The following SNRPE variants were observed in gnomAD, a reference collection of about 807,000 sequenced individuals.
SNRPE encodes the protein small nuclear ribonucleoprotein polypeptide E, also known as small nuclear ribonucleoprotein E.
For synonymous variants in SNRPE, 35 were observed against 36.7 expected (o/e 0.95, Z 0.17); for missense variants, 53 against 111.6 (o/e 0.48, Z 2.36).
intron 4 of SNRPE, among the ~76,000 whole-genome samples, chr1:203,866,241 A>G (rs1283186246): frequency 6.6e-6 from 1 of 152,198 alleles, no homozygotes; most frequent in Non-Finnish European, 1.5e-5. Flanking sequence ...GTTGTATGGG[A>G]TTGAAGACCA....
At chr1:203,866,984 C>A (rs1690100730) in intron 4 of SNRPE, among the ~76,000 whole-genome samples, 1 of 151,188 alleles carries the variant, frequency 6.6e-6, no homozygotes, top group African/African-American at 2.4e-5. Context: ...GACAGCGGTC[C>A]CCTAGGCCAG....
intron 4 of SNRPE, among the ~76,000 whole-genome samples, chr1:203,867,005 T>G (rs1690101086): frequency 1.3e-5 from 2 of 150,536 alleles, no homozygotes; most frequent in African/African-American, 4.9e-5. Context: ...GTGCAGTGGC[T>G]CACACCTGTA....
chr1:203,866,416 C>T (rs1292359567), intron 4 of SNRPE, among the ~76,000 whole-genome samples: 1 of 152,172 alleles, frequency 6.6e-6, no homozygotes, highest in Non-Finnish European at 1.5e-5. Flanking sequence ...TCAGTATTGT[C>T]TGCCTAGGCA....
chr1:203,861,870 G>GT lies in SNRPE; in HGVS notation c.54+158dup, dbSNP rs1239721331. 3 of 685,752 alleles carry GT rather than the reference G, an allele frequency of 4.4e-6. No individual in the cohort carries two copies. In the African/African-American group the frequency reaches 5.3e-5, roughly 12 times the overall value. The allele number at this position is 685,752 out of a possible 1,614,324, so 42.5% of individuals were successfully genotyped here. ...GGAAGAAAGCGCGGGTAGTTGAACC[G>GT]TGATGGTGGGGAGGTGGTCTTGGGG... is the stretch of plus-strand genomic sequence containing the variant. On this transcript the variant is annotated intron_variant, in intron 1 of 4. Transcript: ENST00000414487.
In SNRPE at chr1:203,864,317, G is replaced by T. The variant is rs572834148; in HGVS notation, c.144+592G>T. 4.6e-5 allele frequency among the ~76,000 whole-genome samples: 7 copies of T among 152,228 alleles called. 1 individual carries two copies. The highest frequency in any genetic ancestry group is 1.7e-4 in the African/African-American group (7 of 41,530). On this transcript the variant is annotated intron_variant, in intron 3 of 4. Coordinates refer to ENST00000414487, the MANE Select transcript of SNRPE (RefSeq NM_003094.4). ...TGAGCGACAATGTTAGTATGGAGAG[G>T]GGGGACAAAATAAATGAAATTAGGG...
At chr1:203,863,572 G>A in intron 2 of SNRPE, 91 bp from the exon 3 acceptor site, 1 of 829,776 alleles carries the variant, frequency 1.2e-6, no homozygotes, top group Non-Finnish European at 2.1e-6. Context: ...ACCTCCCTCG[G>A]CCTCCGAAAG....
chr1:203,864,534 G>T (rs1331116261), intron 3 of SNRPE, among the ~76,000 whole-genome samples: 2 of 151,908 alleles, frequency 1.3e-5, no homozygotes, highest in Non-Finnish European at 2.9e-5. Context: ...TTCCACCTCA[G>T]CCTCTAGTAG....
At chr1:203,864,590 TATTTTGCTGGGCAAGG>T (rs1690047521) in intron 3 of SNRPE, among the ~76,000 whole-genome samples, 1 of 152,076 alleles carries the variant, frequency 6.6e-6, no homozygotes. Flanking sequence ...AATTTTTAAA[TATTTTGCTGGGCAAGG>T]TGGCTCACGC....
At chr1:203,865,270 T>C in intron 4 of SNRPE, 151 bp downstream of exon 4, 1 of 687,364 alleles carries the variant, frequency 1.5e-6, no homozygotes, top group East Asian at 3.0e-5. Flanking sequence ...CATCCTCTAC[T>C]ACTCACTCCT....
chr1:203,866,338 T>C (rs1272357358), intron 4 of SNRPE, among the ~76,000 whole-genome samples: 1 of 152,234 alleles, frequency 6.6e-6, no homozygotes, highest in African/African-American at 2.4e-5. Context: ...TTCAGACTTA[T>C]ATATTCATTC....
chr1:203,861,858 G>C (rs1689984124), intron 1 of SNRPE, 145 bp downstream of exon 1: 1 of 720,658 alleles, frequency 1.4e-6, no homozygotes, highest in Non-Finnish European at 2.5e-6. Context: ...AGAAAGCGCG[G>C]GTAGTTGAAC....
At chr1:203,868,862 G>T (rs899965164) in intron 4 of SNRPE, among the ~76,000 whole-genome samples, 3 of 152,048 alleles carry the variant, frequency 2.0e-5, no homozygotes, top group South Asian at 2.1e-4. Context: ...AGAAGACGGG[G>T]TGTCACCGTG....
In SNRPE at chr1:203,871,022, T is replaced by C. The variant is rs1690204704; in HGVS notation, c.*1090T>C. ...TGAATAAAAGAAATCCTTTCCGAGA[T>C]AGAGGAGATTTGTAGGTGAATGCAG... On this transcript the variant is annotated 3_prime_UTR_variant, in exon 5 of 5. Transcript: ENST00000414487. Among the ~76,000 whole-genome samples the C allele has an allele frequency of 6.6e-6, 1 of 152,228 alleles. No individual in the cohort carries two copies. Among genetic ancestry groups the C allele is most frequent in the Non-Finnish European group, 1.5e-5 (1 of 68,042 alleles).
intron 1 of SNRPE, chr1:203,861,961 G>T (rs1689986880): frequency 4.9e-6 from 3 of 610,776 alleles, no homozygotes; most frequent in Admixed American, 2.9e-5. Flanking sequence ...TTCAGGTGCG[G>T]AGTGAAAACG....
intron 4 of SNRPE, among the ~76,000 whole-genome samples, chr1:203,866,567 C>G (rs1194509949): frequency 2.0e-5 from 3 of 152,314 alleles, no homozygotes; most frequent in Middle Eastern, 3.4e-3. Context: ...CCAACTCACA[C>G]TGTTTAGAGC....
rs1282605280 is a variant in SNRPE, at chr1:203,870,854, A to G, written c.*922A>G. Among the ~76,000 whole-genome samples the G allele has an allele frequency of 6.6e-6, 1 of 152,226 alleles. No individual in the cohort carries two copies. On this transcript the variant is annotated 3_prime_UTR_variant, in exon 5 of 5. Transcript: ENST00000414487. Reference sequence around the variant, plus strand: ...GTTTTAATGCCTCATTCTAAGTGCTATTTAAATTGGATCTTGAAAGATGAA... The same window carrying G: ...GTTTTAATGCCTCATTCTAAGTGCTGTTTAAATTGGATCTTGAAAGATGAA...
In SNRPE at chr1:203,871,142, A is replaced by T. The variant is rs1690207514; in HGVS notation, c.*1210A>T. On this transcript the variant is annotated 3_prime_UTR_variant, in exon 5 of 5. Transcript: ENST00000414487. ...ATGTTTTGAAATAAAGGGCTGCATT[A>T]GTTCTTTTAACATTTGAGTTTGAAA... Among the ~76,000 whole-genome samples, 1 of 152,258 alleles carries T rather than the reference A, an allele frequency of 6.6e-6. No homozygotes were observed. The highest frequency in any genetic ancestry group is 2.4e-5 in the African/African-American group (1 of 41,466).
At chr1:203,864,334 A>G (rs1690042125) in intron 3 of SNRPE, among the ~76,000 whole-genome samples, 1 of 152,102 alleles carries the variant, frequency 6.6e-6, no homozygotes, top group African/African-American at 2.4e-5. Context: ...AAAATAAATG[A>G]AATTAGGGAG....
At position 203,867,107 on chromosome 1, in the gene SNRPE, G is replaced by GAAAA. The variant is rs71566135; in HGVS notation, c.223+2008_223+2011dup. Among the ~76,000 whole-genome samples the GAAAA allele has an allele frequency of 2.4e-3, 128 of 52,820 alleles. 1 individual carries two copies. The highest frequency in any genetic ancestry group is 0.01 in the South Asian group (16 of 1,588). 34.7% of individuals were successfully genotyped at this position (52,820 alleles called of 152,430 possible). On this transcript the variant is annotated intron_variant, in intron 4 of 4. Coordinates refer to ENST00000414487, the MANE Select transcript of SNRPE (RefSeq NM_003094.4). ...AACATGGTGAAACCCTGTCTTTCCT[G>GAAAA]AAAAAAAAAAAAAAAAAAAAAAATT...
Sources: gnomAD v4.1 joint callset for allele counts (sites outside exome capture counted in the v4.1 genomes callset) on GRCh38, gnomAD v4.1.1 for gene constraint, MANE v1.5 for transcripts, NCBI Gene and HGNC (gene_info 2026-07-23, HGNC 2026-07-21) for gene names.